The following ANKS1B variants were observed in gnomAD, a reference collection of about 807,000 sequenced individuals.
The protein encoded by ANKS1B is ankyrin repeat and sterile alpha motif domain containing 1B.
A neutral mutation model predicts 148.3 loss-of-function variants in ANKS1B; 36 were observed. The observed-to-expected ratio is 0.24, with a 90% CI of 0.19 to 0.32. The LOEUF is 0.32. ANKS1B is among the 10% of genes least tolerant of loss of function. The pLI is 1.00. For missense variants in ANKS1B, 1,157 were observed against 1,542.6 expected, an observed-to-expected ratio of 0.75 and a Z score of 4.19; for synonymous variants, 542 against 560.8, an observed-to-expected ratio of 0.97 and a Z score of 0.47.
chr12:99,532,178 A>T (rs1351117047), intron 9 of ANKS1B, among the ~76,000 whole-genome samples: 1 of 152,084 alleles, frequency 6.6e-6, no homozygotes, highest in African/African-American at 2.4e-5. Context: ...TTTCTTTTGC[A>T]GTGCAGAAGC....
intron 8 of ANKS1B, among the ~76,000 whole-genome samples, chr12:99,672,738 C>T (rs1200276483): frequency 6.6e-6 from 1 of 152,128 alleles, no homozygotes; most frequent in African/African-American, 2.4e-5. Context: ...TCCTTGGATA[C>T]TCTCCCCCAG....
chr12:99,459,666 C>CAA (rs57387287), intron 10 of ANKS1B, among the ~76,000 whole-genome samples: 17 of 142,446 alleles, frequency 1.2e-4, no homozygotes, highest in African/African-American at 4.3e-4. Context: ...ACAATAGCTA[C>CAA]AAAAAAAAAA....
At chr12:99,630,884 G>T (rs1331350692) in intron 9 of ANKS1B, among the ~76,000 whole-genome samples, 1 of 152,140 alleles carries the variant, frequency 6.6e-6, no homozygotes, top group African/African-American at 2.4e-5. Context: ...TTGAATTGTA[G>T]TTCCTACAAT....
intron 8 of ANKS1B, among the ~76,000 whole-genome samples, chr12:99,679,979 T>C (rs2098604764): frequency 1.3e-5 from 2 of 152,184 alleles, no homozygotes; most frequent in African/African-American, 2.4e-5. Context: ...ACCTTGTTAC[T>C]GCAAACTCTG....
intron 13 of ANKS1B, among the ~76,000 whole-genome samples, chr12:99,244,940 C>A (rs572534112): frequency 6.6e-6 from 1 of 152,178 alleles, no homozygotes; most frequent in Non-Finnish European, 1.5e-5. Context: ...CTGCAACCTC[C>A]GCCGCCCAGG....
chr12:99,210,028 C>T (rs2153910104), intron 14 of ANKS1B, among the ~76,000 whole-genome samples: 1 of 152,290 alleles, frequency 6.6e-6, no homozygotes, highest in African/African-American at 2.4e-5. Context: ...TACTCTTAGT[C>T]CCTAAGAGAG....
chr12:98,767,118 C>G (rs1017585426), intron 25 of ANKS1B, among the ~76,000 whole-genome samples: 2 of 151,954 alleles, frequency 1.3e-5, no homozygotes, highest in African/African-American at 4.8e-5. Context: ...CTGTGCCCAG[C>G]CAGGAATTTA....
rs573584446 is a variant in ANKS1B at position 98,755,099 on chromosome 12, C to G, written c.3580-3577G>C. On this transcript the variant is annotated intron_variant, in intron 25 of 26. Coordinates refer to ENST00000683438, the MANE Select transcript of ANKS1B (RefSeq NM_001352186.2). Reference sequence around the variant, plus strand: ...ACCTTCCAAGTGCTGTGTTGCCCATCCCGACACACCAGGGCCCTTTCGGGG... The same window carrying G: ...ACCTTCCAAGTGCTGTGTTGCCCATGCCGACACACCAGGGCCCTTTCGGGG... Among the ~76,000 whole-genome samples, 3 of 152,174 alleles carry G rather than the reference C, an allele frequency of 2.0e-5. No individual in the cohort carries two copies. In the East Asian group the frequency reaches 5.8e-4, roughly 29 times the overall value.
intron 12 of ANKS1B, among the ~76,000 whole-genome samples, chr12:99,326,287 A>G (rs912346139): frequency 7.2e-5 from 11 of 152,052 alleles, no homozygotes; most frequent in African/African-American, 2.7e-4. Context: ...GACTTTCTGG[A>G]GGGTCAAAAA....
At position 99,246,420 on chromosome 12, in the gene ANKS1B, C is replaced by A. The variant is rs1195904622; in HGVS notation, c.2201G>T (p.Ser734Ile). ...GAGATCAGAATCAGATTTAGAGACACTTTTTGACAAATGCATGTCGATCAA... is the reference window on the plus strand; with the variant it reads ...GAGATCAGAATCAGATTTAGAGACAATTTTTGACAAATGCATGTCGATCAA... ...KALIDMHLSK[S>I]VSKSDSDLIA... The change falls in exon 13 of 27, where the codon AGT becomes ATT. Residue 734 changes from serine (S) to isoleucine (I), a missense_variant. Physicochemically the swap from Ser to Ile is moderately radical, Grantham distance 142. Around this residue, in one of 6 missense-constraint regions of ANKS1B, gnomAD observed 661 missense variants for 642.1 expected, o/e 1.03. Coordinates refer to ENST00000683438, the MANE Select transcript of ANKS1B (RefSeq NM_001352186.2). 1 of 1,613,768 alleles carries A rather than the reference C, an allele frequency of 6.2e-7. No individual in the cohort carries two copies. The highest frequency in any genetic ancestry group is 8.5e-7 in the Non-Finnish European group (1 of 1,179,862).
chr12:99,957,280 G>A (rs1164535218), intron 1 of ANKS1B, among the ~76,000 whole-genome samples: 4 of 151,982 alleles, frequency 2.6e-5, no homozygotes, highest in Non-Finnish European at 4.4e-5. Context: ...TGTGATGCCT[G>A]CTCCCCTTCA....
chr12:99,019,321 A>G (rs969022572), intron 17 of ANKS1B, among the ~76,000 whole-genome samples: 1 of 152,214 alleles, frequency 6.6e-6, no homozygotes, highest in Non-Finnish European at 1.5e-5. Context: ...GTAATTGGTA[A>G]TTTAGAGTCA....
chr12:99,005,927 G>T (rs1568319638), intron 17 of ANKS1B, among the ~76,000 whole-genome samples: 1 of 152,184 alleles, frequency 6.6e-6, no homozygotes, highest in Non-Finnish European at 1.5e-5. Flanking sequence ...GGAAAAAATA[G>T]ACAGCTGGAA....
At chr12:99,038,763 C>T (rs945965234) in intron 17 of ANKS1B, among the ~76,000 whole-genome samples, 2 of 152,202 alleles carry the variant, frequency 1.3e-5, no homozygotes, top group South Asian at 2.1e-4. Context: ...CTGCACTTGC[C>T]GCTCCCTCAG....
At chr12:99,634,047 T>C (rs1015953305) in intron 9 of ANKS1B, among the ~76,000 whole-genome samples, 1 of 152,138 alleles carries the variant, frequency 6.6e-6, no homozygotes, top group Non-Finnish European at 1.5e-5. Flanking sequence ...GATTTTTATG[T>C]GAGAAGGACA....
intron 1 of ANKS1B, among the ~76,000 whole-genome samples, chr12:99,896,480 T>G (rs1434069210): frequency 1.3e-5 from 2 of 151,362 alleles, no homozygotes; most frequent in East Asian, 3.9e-4. Flanking sequence ...CACCACAATT[T>G]CTTTATCCAT....
At chr12:99,081,453 A>G (rs1454134784) in intron 16 of ANKS1B, among the ~76,000 whole-genome samples, 1 of 152,208 alleles carries the variant, frequency 6.6e-6, no homozygotes, top group South Asian at 2.1e-4. Flanking sequence ...GCAAAGTTAA[A>G]GTGAATGCAG....
At chr12:99,341,504 T>A (rs1319617613) in intron 12 of ANKS1B, among the ~76,000 whole-genome samples, 2 of 152,154 alleles carry the variant, frequency 1.3e-5, no homozygotes, top group Non-Finnish European at 2.9e-5. Flanking sequence ...GACATCTCTA[T>A]CACCATGCTT....
chr12:98,884,595 C>T (rs2099733665), intron 17 of ANKS1B, among the ~76,000 whole-genome samples: 1 of 151,234 alleles, frequency 6.6e-6, no homozygotes, highest in Admixed American at 6.6e-5. Flanking sequence ...GTCAGGAGAT[C>T]GAGACCATCC....
Sources: gnomAD v4.1 joint callset for allele counts (sites outside exome capture counted in the v4.1 genomes callset) on GRCh38, gnomAD v4.1.1 for gene constraint, gnomAD v4.1.1 regional missense constraint, MANE v1.5 for transcripts, NCBI Gene and HGNC (gene_info 2026-07-23, HGNC 2026-07-21) for gene names.